Variants in TSC1 observed in about 807,000 individuals in gnomAD.
TSC1 encodes the protein hamartin.
TSC1 carries 20 observed loss-of-function variants against 124.3 expected under a neutral mutation model. The observed-to-expected ratio is 0.16, with a 90% confidence interval of 0.11 to 0.23. The LOEUF is 0.23. Among genes scored for constraint, TSC1 ranks in the 10% least tolerant of loss-of-function variants. The probability of loss-of-function intolerance (pLI) is 1.00; values close to 1 mark genes in which losing one functional copy is unlikely to be tolerated. For missense variants in TSC1, 1,124 were observed against 1,448.5 expected, an observed-to-expected ratio of 0.78 and a Z score of 3.64; for synonymous variants, 493 against 539.1, an observed-to-expected ratio of 0.91 and a Z score of 1.19.
intron 8 of TSC1, among the ~76,000 whole-genome samples, chr9:132,919,507 T>C (rs1285064875): frequency 1.3e-5 from 2 of 152,112 alleles, no homozygotes; most frequent in Non-Finnish European, 2.9e-5. Flanking sequence ...AAGAGCAACA[T>C]TGGAAGCAGG....
rs1179883422 is a variant in TSC1 at position 132,904,458 on chromosome 9, G to A, written c.1998-4C>T. The stretch of plus-strand genomic sequence containing the variant: ...AGACTTGCTGGGTAAAGGCAACCTA[G>A]GAAGAAAGTTTTTGAGTAACAAAGT... On this transcript the variant is annotated splice_region_variant and splice_polypyrimidine_tract_variant and intron_variant, in intron 15 of 22. Coordinates refer to ENST00000298552, the MANE Select transcript of TSC1 (RefSeq NM_000368.5). The A allele has an allele frequency of 3.1e-6, 5 of 1,613,776 alleles. No individual in the cohort carries two copies. The highest frequency in any genetic ancestry group is 1.7e-5 in the Admixed American group (1 of 59,996).
intron 4 of TSC1, chr9:132,926,053 C>T: frequency 2.5e-6 from 1 of 392,638 alleles, no homozygotes; most frequent in South Asian, 2.4e-5. Context: ...GTTACTGAAG[C>T]CATGAGGGGA....
chr9:132,917,504 GC>G (rs1324210311), intron 8 of TSC1, among the ~76,000 whole-genome samples: 1 of 151,964 alleles, frequency 6.6e-6, no homozygotes, highest in East Asian at 1.9e-4. Flanking sequence ...CTAATTTTTT[GC>G]AGTTTTAGTA....
chr9:132,942,299 C>G (rs1847779470), intron 1 of TSC1: 1 of 152,202 alleles, frequency 6.6e-6, no homozygotes, highest in South Asian at 2.1e-4. Flanking sequence ...AAGAATCAGT[C>G]TTCTTCCAAA....
intron 12 of TSC1, 95 bp from the exon 13 acceptor site, chr9:132,907,465 G>T: frequency 1.0e-6 from 1 of 971,740 alleles, no homozygotes; most frequent in Non-Finnish European, 1.7e-6. Flanking sequence ...GCCGAGTGCA[G>T]TGATTCTCAA....
rs1398626132 is a variant in TSC1, at chr9:132,902,526, C to T, written c.2391+79G>A. ...GTAAAGCTGAACAAGTCAAGGACACCCAGGGAAACTGACTGCCTCCCTCCC... is the reference window on the plus strand; with the variant it reads ...GTAAAGCTGAACAAGTCAAGGACACTCAGGGAAACTGACTGCCTCCCTCCC... On this transcript the variant is annotated intron_variant, in intron 18 of 22. Coordinates refer to ENST00000298552, the MANE Select transcript of TSC1 (RefSeq NM_000368.5). The surrounding 1 kb of genome is among the most constrained non-coding windows in gnomAD (Gnocchi z 5.2). The T allele has an allele frequency of 6.5e-7, 1 of 1,542,486 alleles. No individual in the cohort carries two copies. Among genetic ancestry groups the T allele is most frequent in the African/African-American group, 1.4e-5 (1 of 73,424 alleles).
rs2131776180 is a variant in TSC1, at chr9:132,903,843, G to A, written c.2042-26C>T. The A allele has an allele frequency of 6.2e-7, 1 of 1,613,154 alleles. No homozygotes were observed. Among genetic ancestry groups the A allele is most frequent in the African/African-American group, 1.3e-5 (1 of 75,000 alleles). ...CTGATTGTAAAGCAGAGGGAGGGTG[G>A]CAGAAATGCCTTTTACAGATGGTTC... On this transcript the variant is annotated intron_variant, in intron 16 of 22. Transcript: ENST00000298552. The surrounding 1 kb of genome is among the most constrained non-coding windows in gnomAD (Gnocchi z 5.9).
chr9:132,925,061 C>T (rs1846777051), intron 5 of TSC1: 1 of 161,574 alleles, frequency 6.2e-6, no homozygotes, highest in African/African-American at 2.4e-5. Flanking sequence ...ACTGTTAAAA[C>T]TAAAACCATA....
chr9:132,906,684 A>G lies in TSC1; in HGVS notation c.1438+47T>C, dbSNP rs756506109. On this transcript the variant is annotated intron_variant, in intron 14 of 22. Coordinates refer to ENST00000298552, the MANE Select transcript of TSC1 (RefSeq NM_000368.5). This position sits in a 1 kb window ranked among gnomAD's most constrained non-coding sequence, Gnocchi z 4.1. ...GCACAAAATCCCAGATTTATAGCAG[A>G]GCGAGGGTCAGGTTTTATCAACTCA... The G allele has an allele frequency of 7.3e-6, 11 of 1,502,824 alleles. No homozygotes were observed. In the South Asian group the frequency reaches 9.4e-5, roughly 13 times the overall value. The allele number at this position is 1,502,824 out of a possible 1,614,324, so 93.1% of individuals were successfully genotyped here.
At chr9:132,900,506 T>G (rs111692829) in intron 20 of TSC1, 71 of 661,590 alleles carry the variant, frequency 1.1e-4, no homozygotes, top group African/African-American at 8.3e-4. Context: ...GCTTTCAGTG[T>G]GAGTTAACTT....
In TSC1 at chr9:132,910,535, C is replaced by T. The variant is rs770142066; in HGVS notation, c.1263+36G>A. ...TGAGGCTTGCAAGTGAGTCACTGTG[C>T]CTGGGCAGAGGGATAGCAGACGAGC... On this transcript the variant is annotated intron_variant, in intron 12 of 22. Transcript: ENST00000298552. The T allele has an allele frequency of 8.1e-6, 13 of 1,613,810 alleles. No homozygotes were observed. The Middle Eastern group carries it at 4.9e-4, about 61-fold the overall frequency.
rs189325773 is a variant in TSC1, at chr9:132,925,994, G to A, written c.211-255C>T. On this transcript the variant is annotated intron_variant, in intron 4 of 22. Coordinates refer to ENST00000298552, the MANE Select transcript of TSC1 (RefSeq NM_000368.5). ...TACAATACACGCATGCAGAAAGGGG[G>A]AGACTTGTTCACAGCCCCTCAATAA... The A allele has an allele frequency of 9.9e-6, 5 of 506,544 alleles. No individual in the cohort carries two copies. In the Admixed American group the frequency reaches 1.3e-4, roughly 13 times the overall value. The allele number at this position is 506,544 out of a possible 1,614,324, so 31.4% of individuals were successfully genotyped here.
At chr9:132,918,161 C>T (rs1438715689) in intron 8 of TSC1, among the ~76,000 whole-genome samples, 1 of 152,162 alleles carries the variant, frequency 6.6e-6, no homozygotes, top group Non-Finnish European at 1.5e-5. Context: ...TAAATATAAA[C>T]CCACAAGGAG....
intron 8 of TSC1, among the ~76,000 whole-genome samples, chr9:132,917,320 C>T (rs571365029): frequency 3.0e-4 from 46 of 152,080 alleles, no homozygotes; most frequent in Admixed American, 1.4e-3. Context: ...TTTCTTCCTC[C>T]ACCAAAGTTT....
rs901794022 is a variant in TSC1, at chr9:132,902,359, T to C, written c.2391+246A>G. Among the ~76,000 whole-genome samples the C allele has an allele frequency of 6.6e-6, 1 of 152,212 alleles. No individual in the cohort carries two copies. Among genetic ancestry groups the C allele is most frequent in the Non-Finnish European group, 1.5e-5 (1 of 68,034 alleles). On this transcript the variant is annotated intron_variant, in intron 18 of 22. Coordinates refer to ENST00000298552, the MANE Select transcript of TSC1 (RefSeq NM_000368.5). This position sits in a 1 kb window ranked among gnomAD's most constrained non-coding sequence, Gnocchi z 5.2. ...GAGCAGAACTGTTAACTGTTTCCTT[T>C]TGGCTGCAGAAAAAAAAATGACTGA...
Position 132,903,559 on chromosome 9 carries a change from T to C in TSC1, c.2208+92A>G, listed in dbSNP as rs530058131. Reference sequence around the variant, plus strand: ...AAGGAGTGGGAAGGACTGGGAACTCTGACCTCCTCGGCTGCTGTGCTTTAT... The same window carrying C: ...AAGGAGTGGGAAGGACTGGGAACTCCGACCTCCTCGGCTGCTGTGCTTTAT... On this transcript the variant is annotated intron_variant, in intron 17 of 22. Transcript: ENST00000298552. This position sits in a 1 kb window ranked among gnomAD's most constrained non-coding sequence, Gnocchi z 5.9. 8.1e-6 allele frequency: 13 copies of C among 1,595,696 alleles called. No individual in the cohort carries two copies. The Admixed American group carries it at 1.8e-4, about 23-fold the overall frequency.
At chr9:132,944,874 C>T (rs1848004390), upstream of TSC1, 5 of 344,800 alleles carry the variant, frequency 1.5e-5, no homozygotes, top group Non-Finnish European at 2.6e-5. Flanking sequence ...TCTTGTGACT[C>T]CGCGAAGGAG....
intron 8 of TSC1, chr9:132,912,945 T>C (rs1279305115): frequency 5.9e-6 from 1 of 168,448 alleles, no homozygotes; most frequent in Non-Finnish European, 1.3e-5. Context: ...TTTTTTCTTT[T>C]TTTTTTTTTC....
At chr9:132,908,303 G>T (rs1456633422) in intron 12 of TSC1, among the ~76,000 whole-genome samples, 2 of 152,092 alleles carry the variant, frequency 1.3e-5, no homozygotes, top group South Asian at 2.1e-4. Context: ...GAACATTTTT[G>T]CCATCTCTTT....
Sources: allele counts gnomAD v4.1 joint callset (sites outside exome capture counted in the v4.1 genomes callset), GRCh38; gene constraint gnomAD v4.1.1; non-coding constraint Gnocchi (gnomAD v3.1); transcripts MANE v1.5; gene names NCBI Gene and HGNC (gene_info 2026-07-23, HGNC 2026-07-21).